The following STYK1 variants were observed in gnomAD, a reference collection of about 807,000 sequenced individuals.
The protein encoded by STYK1 is STY kinase 1.
A neutral mutation model predicts 48.1 loss-of-function variants in STYK1; 46 were observed. That is an observed-to-expected ratio of 0.96 (90% CI 0.75 to 1.22). The LOEUF (loss-of-function observed/expected upper bound fraction) is 1.22, where lower values mean the gene tolerates loss of function less well. Among genes scored for constraint, STYK1 ranks in the 50% most tolerant of loss-of-function variants. The probability of loss-of-function intolerance (pLI) is 0.00; values close to 1 mark genes in which losing one functional copy is unlikely to be tolerated. For missense variants in STYK1, 527 were observed against 521.1 expected (o/e 1.01, Z -0.11); for synonymous variants, 188 against 189.0 (o/e 0.99, Z 0.04).
In STYK1 at chr12:10,659,225, C is replaced by T. The variant is rs183388835; in HGVS notation, c.-195+14741G>A. On this transcript the variant is annotated intron_variant, in intron 1 of 10. Transcript: ENST00000075503. ...TTGCTTTGTTTTTCAGAGTCAAGAA[C>T]ATTTTTGAGTTATCTGTAGCTTGTG... Among the ~76,000 whole-genome samples the T allele has an allele frequency of 5.1e-3, 771 of 152,256 alleles. 27 individuals are homozygous for T. Among genetic ancestry groups the T allele is most frequent in the Admixed American group, 0.048 (735 of 15,284 alleles).
chr12:10,625,624 C>T (rs1212300882), intron 7 of STYK1, among the ~76,000 whole-genome samples: 8 of 152,084 alleles, frequency 5.3e-5, no homozygotes, highest in Admixed American at 5.2e-4. Context: ...CCTAAAATAA[C>T]TGCATGGGTT....
chr12:10,634,710 A>G, intron 2 of STYK1, 24 bp from the exon 3 acceptor site: 1 of 1,449,964 alleles, frequency 6.9e-7, no homozygotes, highest in Admixed American at 1.9e-5. Flanking sequence ...GGTTTTTGAA[A>G]AAAATAAAAT....
At chr12:10,636,064 A>G (rs1170382309) in intron 2 of STYK1, among the ~76,000 whole-genome samples, 8 of 152,232 alleles carry the variant, frequency 5.3e-5, no homozygotes, top group Admixed American at 5.2e-4. Context: ...ATATGCTACT[A>G]TGTTGTACAG....
intron 5 of STYK1, among the ~76,000 whole-genome samples, chr12:10,630,036 AG>A (rs1947406030): frequency 3.9e-3 from 1 of 254 alleles, no homozygotes; most frequent in Non-Finnish European, 0.019. Flanking sequence ...TGAAGAGGAG[AG>A]AGAGAGAGAG....
chr12:10,646,139 C>T (rs1353111095), intron 1 of STYK1, among the ~76,000 whole-genome samples: 1 of 152,094 alleles, frequency 6.6e-6, no homozygotes. Context: ...GAAAAGACAG[C>T]CAAAAATGTG....
At chr12:10,648,925 CTT>C (rs1274832069) in intron 1 of STYK1, among the ~76,000 whole-genome samples, 1 of 152,106 alleles carries the variant, frequency 6.6e-6, no homozygotes, top group African/African-American at 2.4e-5. Flanking sequence ...AAAAATGACT[CTT>C]GTAAGACTGA....
intron 1 of STYK1, among the ~76,000 whole-genome samples, chr12:10,658,658 G>C (rs1459060031): frequency 6.6e-6 from 1 of 152,108 alleles, no homozygotes; most frequent in Non-Finnish European, 1.5e-5. Flanking sequence ...AAGTCCAGAA[G>C]AGACATATTT....
At chr12:10,621,838 T>A (rs1865911151) in intron 10 of STYK1, 38 bp downstream of exon 10, 9 of 1,581,418 alleles carry the variant, frequency 5.7e-6, no homozygotes, top group Non-Finnish European at 7.8e-6. Flanking sequence ...AAACAACATT[T>A]GGAATGAAAG....
intron 7 of STYK1, among the ~76,000 whole-genome samples, chr12:10,625,501 G>A (rs1947349354): frequency 6.6e-6 from 1 of 152,178 alleles, no homozygotes; most frequent in Non-Finnish European, 1.5e-5. Context: ...ACAGGCATGA[G>A]CCACTGCACC....
chr12:10,633,464 C>T (rs987436717), intron 4 of STYK1, among the ~76,000 whole-genome samples: 1 of 151,924 alleles, frequency 6.6e-6, no homozygotes, highest in African/African-American at 2.4e-5. Flanking sequence ...TTCTTTTTAC[C>T]CTGAGTTTCA....
intron 10 of STYK1, 28 bp downstream of exon 10, chr12:10,621,848 G>A: frequency 6.3e-7 from 1 of 1,596,388 alleles, no homozygotes; most frequent in South Asian, 1.1e-5. Context: ...TGGAATGAAA[G>A]AGGAGCAGGC....
chr12:10,621,259 C>T (rs1203765543), intron 10 of STYK1, among the ~76,000 whole-genome samples: 1 of 151,994 alleles, frequency 6.6e-6, no homozygotes, highest in African/African-American at 2.4e-5. Flanking sequence ...TTTTATTTTT[C>T]CATTTCCTGC....
rs10083035 is a variant in STYK1 at position 10,659,597 on chromosome 12, T to C, written c.-195+14369A>G. Among the ~76,000 whole-genome samples, 77 of 151,992 alleles carry C rather than the reference T, an allele frequency of 5.1e-4. No individual in the cohort carries two copies. The South Asian group carries it at 0.013, about 25-fold the overall frequency. On this transcript the variant is annotated intron_variant, in intron 1 of 10. Transcript: ENST00000075503. ...TGGGCCCAGGAGGCAAGTTATCTTG[T>C]GACCTCAAGAGGAGGAGAATTTATC...
chr12:10,637,550 C>T (rs1947500125), intron 1 of STYK1, among the ~76,000 whole-genome samples: 1 of 152,032 alleles, frequency 6.6e-6, no homozygotes, highest in African/African-American at 2.4e-5. Flanking sequence ...ACTGTGTTAG[C>T]CAGGATGGTC....
Position 10,627,664 on chromosome 12 carries a change from C to G in STYK1, c.694G>C (p.Gly232Arg). 1 of 1,613,636 alleles carries G rather than the reference C, an allele frequency of 6.2e-7. No homozygotes were observed. The highest frequency in any genetic ancestry group is 8.5e-7 in the Non-Finnish European group (1 of 1,179,832). The change falls in exon 7 of 11, where the codon GGA becomes CGA. Residue 232 changes from glycine (G) to arginine (R), a missense_variant. Transcript: ENST00000075503. Reference sequence around the variant, plus strand: ...ACCAGCGCCAAAAGGACCTGCTTTCCGATGTGATATACTTGTTTTTCTGTG... The same window carrying G: ...ACCAGCGCCAAAAGGACCTGCTTTCGGATGTGATATACTTGTTTTTCTGTG... ...DLTEKQVYHI[G>R]KQVLLALEFL...
chr12:10,626,923 C>T (rs1591676311), intron 7 of STYK1, among the ~76,000 whole-genome samples: 1 of 152,122 alleles, frequency 6.6e-6, no homozygotes, highest in Non-Finnish European at 1.5e-5. Context: ...AGGAGAATGG[C>T]GTGAACCTGG....
intron 1 of STYK1, among the ~76,000 whole-genome samples, chr12:10,641,268 A>T (rs1348158304): frequency 1.3e-5 from 2 of 152,114 alleles, no homozygotes; most frequent in Non-Finnish European, 2.9e-5. Context: ...GCACCAGAAG[A>T]TGGGTTGGGG....
intron 7 of STYK1, among the ~76,000 whole-genome samples, chr12:10,625,391 G>T (rs1947346985): frequency 6.6e-6 from 1 of 151,994 alleles, no homozygotes; most frequent in Non-Finnish European, 1.5e-5. Context: ...CTAATTTTTT[G>T]TATTTTTAGT....
At chr12:10,641,739 A>G (rs1354702497) in intron 1 of STYK1, among the ~76,000 whole-genome samples, 1 of 152,214 alleles carries the variant, frequency 6.6e-6, no homozygotes, top group Non-Finnish European at 1.5e-5. Flanking sequence ...AACAATAACA[A>G]ACTCCTGGCG....
Sources: allele counts gnomAD v4.1 joint callset (sites outside exome capture counted in the v4.1 genomes callset), GRCh38; gene constraint gnomAD v4.1.1; transcripts MANE v1.5; gene names NCBI Gene and HGNC (gene_info 2026-07-23, HGNC 2026-07-21).